Variants in ZPLD1 observed in about 807,000 individuals in gnomAD.
ZPLD1 encodes the protein zona pellucida-like domain-containing protein 1.
ZPLD1 carries 34 observed loss-of-function variants against 47.2 expected under a neutral mutation model. The ratio of observed to expected loss-of-function variants is 0.72; its 90% CI spans 0.55 to 0.96. ZPLD1 has a LOEUF of 0.96. Among genes scored for constraint, ZPLD1 ranks in the 40% least tolerant of loss-of-function variants. The probability of loss-of-function intolerance (pLI) is 0.00; values close to 1 mark genes in which losing one functional copy is unlikely to be tolerated. For missense variants in ZPLD1, 512 were observed against 505.8 expected, an observed-to-expected ratio of 1.01 and a Z score of -0.12; for synonymous variants, 176 against 186.2, an observed-to-expected ratio of 0.95 and a Z score of 0.45.
chr3:102,462,627 G>A (rs913951260), intron 7 of ZPLD1, among the ~76,000 whole-genome samples: 1 of 151,960 alleles, frequency 6.6e-6, no homozygotes, highest in African/African-American at 2.4e-5. Context: ...AACGGGGCAT[G>A]GGAAGATCTG....
intron 3 of ZPLD1, among the ~76,000 whole-genome samples, chr3:102,439,617 G>A (rs1027924848): frequency 6.6e-6 from 1 of 152,058 alleles, no homozygotes; most frequent in East Asian, 1.9e-4. Context: ...CAAAAGTAGA[G>A]GTTAGTAGAA....
chr3:102,403,859 C>T (rs899973923), intron 7 of ZPLD1, among the ~76,000 whole-genome samples: 1 of 151,602 alleles, frequency 6.6e-6, no homozygotes, highest in Non-Finnish European at 1.5e-5. Context: ...CAAGCCCAAC[C>T]AGTTGATGAT....
chr3:102,386,257 C>T (rs552739726), intron 6 of ZPLD1, among the ~76,000 whole-genome samples: 3 of 151,634 alleles, frequency 2.0e-5, no homozygotes, highest in Admixed American at 6.6e-5. Flanking sequence ...GCCTGGGCCT[C>T]CACCCCCAGA....
intron 3 of ZPLD1, among the ~76,000 whole-genome samples, chr3:102,450,861 A>G (rs1378303611): frequency 6.6e-6 from 1 of 152,248 alleles, no homozygotes; most frequent in Admixed American, 6.5e-5. Flanking sequence ...GTATTATTTT[A>G]GAAAAAAGTA....
At chr3:102,458,468 A>C (rs1290076206) in intron 6 of ZPLD1, among the ~76,000 whole-genome samples, 3 of 152,192 alleles carry the variant, frequency 2.0e-5, no homozygotes, top group Non-Finnish European at 1.5e-5. Flanking sequence ...TTGATTAAAA[A>C]TTTTTATTCA....
chr3:102,407,048 T>C (rs1217917514), intron 7 of ZPLD1, among the ~76,000 whole-genome samples: 2 of 151,838 alleles, frequency 1.3e-5, no homozygotes, highest in East Asian at 3.9e-4. Flanking sequence ...TAGCTCATCT[T>C]GAAATGCCAT....
chr3:102,391,565 G>A (rs979152309), intron 6 of ZPLD1, among the ~76,000 whole-genome samples: 5 of 152,088 alleles, frequency 3.3e-5, no homozygotes, highest in African/African-American at 1.2e-4. Context: ...ATGTTATAAG[G>A]AAGCCAAAGC....
intron 8 of ZPLD1, among the ~76,000 whole-genome samples, chr3:102,423,056 T>A (rs1348281209): frequency 1.3e-5 from 2 of 152,114 alleles, no homozygotes; most frequent in African/African-American, 4.8e-5. Context: ...CCTCCTTTTT[T>A]CCCTACAATT....
At chr3:102,422,989 T>C (rs1206419059) in intron 8 of ZPLD1, among the ~76,000 whole-genome samples, 1 of 152,074 alleles carries the variant, frequency 6.6e-6, no homozygotes, top group Non-Finnish European at 1.5e-5. Context: ...AAATTTTATA[T>C]CATTTGATCA....
intron 7 of ZPLD1, among the ~76,000 whole-genome samples, chr3:102,463,626 T>C (rs1049918307): frequency 1.6e-4 from 25 of 152,196 alleles, no homozygotes; most frequent in Admixed American, 1.5e-3. Flanking sequence ...ATTTATGGGG[T>C]ACTTGAGATG....
chr3:102,424,991 TGG>T (rs563569351), intron 8 of ZPLD1, among the ~76,000 whole-genome samples: 1 of 149,530 alleles, frequency 6.7e-6, no homozygotes, highest in South Asian at 2.1e-4. Context: ...GAAAAATAGC[TGG>T]GGTTTTTTTT....
chr3:102,457,456 C>A (rs1430971214), intron 5 of ZPLD1, among the ~76,000 whole-genome samples: 1 of 152,186 alleles, frequency 6.6e-6, no homozygotes, highest in Non-Finnish European at 1.5e-5. Context: ...TCTCATGAAA[C>A]TTCTATTCTA....
intron 6 of ZPLD1, among the ~76,000 whole-genome samples, chr3:102,391,438 A>T (rs1706494051): frequency 6.6e-6 from 1 of 152,054 alleles, no homozygotes; most frequent in Non-Finnish European, 1.5e-5. Flanking sequence ...CTTGAATCTG[A>T]ATGAGATTGT....
intron 3 of ZPLD1, among the ~76,000 whole-genome samples, chr3:102,444,049 A>C (rs1309963975): frequency 6.6e-6 from 1 of 152,260 alleles, no homozygotes; most frequent in Non-Finnish European, 1.5e-5. Context: ...TGGAGAAGAT[A>C]GCAATTAGCA....
At chr3:102,455,588 T>C (rs62272484) in intron 4 of ZPLD1, among the ~76,000 whole-genome samples, 20,033 of 152,210 alleles carry the variant, frequency 0.13, 1,397 homozygotes, top group Middle Eastern at 0.18. Flanking sequence ...TGCTGATCGC[T>C]GTGCTATGCT....
chr3:102,430,830 A>T (rs914246739), upstream of ZPLD1, among the ~76,000 whole-genome samples: 1 of 152,238 alleles, frequency 6.6e-6, no homozygotes, highest in Non-Finnish European at 1.5e-5. Context: ...CTGATGTAAT[A>T]ATACCAATAG....
At chr3:102,415,660 TATAAAGGAC>T (rs1414721994) in intron 7 of ZPLD1, among the ~76,000 whole-genome samples, 4 of 151,852 alleles carry the variant, frequency 2.6e-5, no homozygotes, top group Admixed American at 2.6e-4. Flanking sequence ...TACTGAATAA[TATAAAGGAC>T]ATAATTCTCC....
Position 102,477,482 on chromosome 3 carries a change from C to T in ZPLD1, c.1112C>T (p.Thr371Ile). Reference protein sequence around the residue: ...SMPPFQLNAITSALISGMVIL... With the variant: ...SMPPFQLNAIISALISGMVIL... Reference sequence around the variant, plus strand: ...CCTCCCTTCCAGCTGAACGCCATCACCAGCGCACTGATATCAGGAATGGTC... The same window carrying T: ...CCTCCCTTCCAGCTGAACGCCATCATCAGCGCACTGATATCAGGAATGGTC... Residue 371 changes from threonine to isoleucine, a missense_variant, in exon 12 of 12, where the codon ACC becomes ATC. Coordinates refer to ENST00000466937, the MANE Select transcript of ZPLD1 (RefSeq NM_001329788.2). The T allele has an allele frequency of 1.9e-6, 3 of 1,613,720 alleles. No homozygotes were observed. The highest frequency in any genetic ancestry group is 2.2e-5 in the South Asian group (2 of 91,064).
At chr3:102,453,183 T>C in intron 4 of ZPLD1, 44 bp downstream of exon 4, 1 of 1,532,140 alleles carries the variant, frequency 6.5e-7, no homozygotes, top group Non-Finnish European at 9.0e-7. Flanking sequence ...GGGTCATAAA[T>C]AAAAATCTCC....
Sources: gnomAD v4.1 joint callset for allele counts (sites outside exome capture counted in the v4.1 genomes callset) on GRCh38, gnomAD v4.1.1 for gene constraint, MANE v1.5 for transcripts, NCBI Gene and HGNC (gene_info 2026-07-23, HGNC 2026-07-21) for gene names.